The following MEP1B variants were observed in gnomAD, a reference collection of about 807,000 sequenced individuals.
MEP1B encodes the protein meprin A subunit beta, also known as N-benzoyl-L-tyrosyl-P-amino-benzoic acid hydrolase subunit beta.
MEP1B carries 80 observed loss-of-function variants against 84.6 expected under a neutral mutation model. The ratio of observed to expected loss-of-function variants is 0.95; its 90% CI spans 0.79 to 1.14. MEP1B has a LOEUF of 1.14. Among genes scored for constraint, MEP1B ranks in the 50% most tolerant of loss-of-function variants. The pLI, the probability that MEP1B is intolerant of heterozygous loss-of-function variation, is 0.00. For missense variants in MEP1B, 766 were observed against 855.1 expected, an observed-to-expected ratio of 0.90 and a Z score of 1.30; for synonymous variants, 273 against 288.1, an observed-to-expected ratio of 0.95 and a Z score of 0.53.
At chr18:32,191,109 G>GA (rs953205776) in intron 1 of MEP1B, among the ~76,000 whole-genome samples, 7 of 151,894 alleles carry the variant, frequency 4.6e-5, no homozygotes, top group Non-Finnish European at 8.8e-5. Flanking sequence ...AAGGTGAACT[G>GA]AATTACCCTT....
At chr18:32,200,734 T>A (rs2040903438) in intron 5 of MEP1B, among the ~76,000 whole-genome samples, 1 of 152,128 alleles carries the variant, frequency 6.6e-6, no homozygotes, top group South Asian at 2.1e-4. Context: ...CTGAAAGGAG[T>A]AATACTCATA....
At chr18:32,215,688 G>A (rs1044451518) in intron 12 of MEP1B, among the ~76,000 whole-genome samples, 1 of 152,066 alleles carries the variant, frequency 6.6e-6, no homozygotes, top group African/African-American at 2.4e-5. Flanking sequence ...GCTGGGCGTG[G>A]TGGCGGGCGC....
intron 5 of MEP1B, among the ~76,000 whole-genome samples, chr18:32,199,664 G>GTTCC (rs1274003921): frequency 2.7e-4 from 25 of 91,096 alleles, no homozygotes; most frequent in African/African-American, 9.1e-4. Flanking sequence ...TTTTCCTTTC[G>GTTCC]TTCGTTCCTT....
Position 32,217,665 on chromosome 18 carries a change from G to A in MEP1B, c.1887-96G>A, listed in dbSNP as rs547168126. The A allele has an allele frequency of 3.9e-6, 4 of 1,013,950 alleles. No homozygotes were observed. The South Asian group carries it at 5.5e-5, about 14-fold the overall frequency. The allele number at this position is 1,013,950 out of a possible 1,614,324, so 62.8% of individuals were successfully genotyped here. A position where few individuals can be genotyped will look rare whatever the true frequency, so the allele number is the denominator to read the frequency against. ...TTTCATATAGCAATGACCTATTGGT[G>A]ATCAAATAGACTAAAGGTGATCCAC... On this transcript the variant is annotated intron_variant, in intron 13 of 14. Transcript: ENST00000269202.
intron 11 of MEP1B, among the ~76,000 whole-genome samples, chr18:32,214,468 T>A (rs1227464838): frequency 6.6e-6 from 1 of 152,170 alleles, no homozygotes; most frequent in East Asian, 1.9e-4. Flanking sequence ...ACCAATGGAA[T>A]TGTAGGGACT....
At chr18:32,206,906 G>A (rs1277744524) in intron 7 of MEP1B, among the ~76,000 whole-genome samples, 1 of 152,054 alleles carries the variant, frequency 6.6e-6, no homozygotes, top group African/African-American at 2.4e-5. Context: ...CACCACGCCC[G>A]GCCTTAAAAT....
chr18:32,202,864 G>T, intron 5 of MEP1B, 29 bp from the exon 6 acceptor site: 1 of 1,425,200 alleles, frequency 7.0e-7, no homozygotes. Context: ...GTTTTAATAA[G>T]CTTATTTTTG....
Position 32,213,161 on chromosome 18 carries a change from T to C in MEP1B, c.1181T>C (p.Val394Ala). 3 of 1,613,996 alleles carry C rather than the reference T, an allele frequency of 1.9e-6. No homozygotes were observed. Among genetic ancestry groups the C allele is most frequent in the Non-Finnish European group, 2.5e-6 (3 of 1,179,856 alleles). ...SWQLYHVTLK[V>A]TKKFRVVFEG... ...CAACTTTATCATGTAACATTGAAAG[T>C]GACCAAGAAGTTTAGAGTGGTGTTT... Residue 394 changes from valine (V) to alanine (A), a missense_variant, in exon 11 of 15, where the codon GTG becomes GCG. Val to Ala is a moderately conservative substitution (Grantham distance 64, BLOSUM62 0). Coordinates refer to ENST00000269202, the MANE Select transcript of MEP1B (RefSeq NM_005925.3).
chr18:32,196,425 C>T lies in MEP1B; in HGVS notation c.250+940C>T. The T allele has an allele frequency of 4.3e-6, 3 of 695,006 alleles. No individual in the cohort carries two copies. The South Asian group carries it at 4.5e-5, about 10-fold the overall frequency. The allele number at this position is 695,006 out of a possible 1,614,324, so 43.1% of individuals were successfully genotyped here. A position where few individuals can be genotyped will look rare whatever the true frequency, so the allele number is the denominator to read the frequency against. ...TCTCCTGGTCCTCGCCCAGCTGGGT[C>T]TTACAGAGGGTGTGCAGCCAGCCCT... is the stretch of plus-strand genomic sequence containing the variant. On this transcript the variant is annotated intron_variant, in intron 5 of 14. Coordinates refer to ENST00000269202, the MANE Select transcript of MEP1B (RefSeq NM_005925.3). The surrounding 1 kb of genome is among the most constrained non-coding windows in gnomAD (Gnocchi z 4.4).
chr18:32,190,625 A>C (rs1011965830), intron 1 of MEP1B, among the ~76,000 whole-genome samples: 5 of 152,136 alleles, frequency 3.3e-5, no homozygotes, highest in African/African-American at 1.2e-4. Flanking sequence ...GTTTTAAATG[A>C]AGTTTCAAAT....
chr18:32,205,458 T>G (rs2040955428), intron 7 of MEP1B, among the ~76,000 whole-genome samples: 1 of 152,232 alleles, frequency 6.6e-6, no homozygotes, highest in Non-Finnish European at 1.5e-5. Context: ...ACCACACTTC[T>G]TGAAATCACA....
intron 5 of MEP1B, among the ~76,000 whole-genome samples, chr18:32,198,729 A>G (rs1022985376): frequency 6.6e-6 from 1 of 152,174 alleles, no homozygotes; most frequent in African/African-American, 2.4e-5. Flanking sequence ...TATACTAATA[A>G]CATGGGGCCA....
chr18:32,212,526 G>T (rs1431982527), intron 10 of MEP1B, among the ~76,000 whole-genome samples: 1 of 152,132 alleles, frequency 6.6e-6, no homozygotes, highest in Non-Finnish European at 1.5e-5. Flanking sequence ...GGAAGTACAG[G>T]TTGGAAAGAA....
At chr18:32,209,112 C>T (rs1598894255) in intron 9 of MEP1B, among the ~76,000 whole-genome samples, 3 of 152,298 alleles carry the variant, frequency 2.0e-5, no homozygotes, top group Non-Finnish European at 2.9e-5. Flanking sequence ...TTTCATAAAT[C>T]GCCTGCTCCT....
intron 12 of MEP1B, among the ~76,000 whole-genome samples, chr18:32,216,160 C>A (rs2041087795): frequency 6.6e-6 from 1 of 151,908 alleles, no homozygotes; most frequent in Admixed American, 6.5e-5. Flanking sequence ...TATTAAAGAC[C>A]CACTTGGATC....
chr18:32,192,515 T>C (rs1333604446), intron 2 of MEP1B, 131 bp from the exon 3 acceptor site: 5 of 773,586 alleles, frequency 6.5e-6, no homozygotes, highest in South Asian at 1.6e-5. Flanking sequence ...AATCAATGTA[T>C]GTTGAGTCTG....
chr18:32,201,088 G>A (rs2040906740), intron 5 of MEP1B, among the ~76,000 whole-genome samples: 1 of 152,030 alleles, frequency 6.6e-6, no homozygotes, highest in African/African-American at 2.4e-5. Context: ...AAGCTTTCAC[G>A]TGTTACTTTA....
chr18:32,203,188 CA>C lies in MEP1B; in HGVS notation c.368+179del. 7.7e-6 allele frequency: 4 copies of C among 517,182 alleles called. No individual in the cohort carries two copies. The South Asian group carries it at 1.2e-4, about 15-fold the overall frequency. The allele number at this position is 517,182 out of a possible 1,614,324, so 32.0% of individuals were successfully genotyped here. A position where few individuals can be genotyped will look rare whatever the true frequency, so the allele number is the denominator to read the frequency against. On this transcript the variant is annotated intron_variant, in intron 6 of 14. Transcript: ENST00000269202. Reference sequence around the variant, plus strand: ...TTTGTAGACATAGAAATTATATTCCCATACATGTAACCGCCTTTAGACAAAG... The same window carrying C: ...TTTGTAGACATAGAAATTATATTCCCTACATGTAACCGCCTTTAGACAAAG...
chr18:32,215,187 T>C lies in MEP1B; in HGVS notation c.1685T>C (p.Phe562Ser). 6.2e-7 allele frequency: 1 copy of C among 1,612,492 alleles called. No individual in the cohort carries two copies. Among genetic ancestry groups the C allele is most frequent in the East Asian group, 2.2e-5 (1 of 44,862 alleles). Reference sequence around the variant, plus strand: ...GGTGGGGGCTATGGAACCAGTGCCTTTATAACCCACGAAAGGCTGAAAAGC... The same window carrying C: ...GGTGGGGGCTATGGAACCAGTGCCTCTATAACCCACGAAAGGCTGAAAAGC... Reference protein sequence around the residue: ...RRGGGYGTSAFITHERLKSRD... With the variant: ...RRGGGYGTSASITHERLKSRD... Residue 562 changes from phenylalanine (F) to serine (S), a missense_variant, in exon 12 of 15, where the codon TTT becomes TCT. By Grantham distance (155) the Phe-to-Ser change is radical. Coordinates refer to ENST00000269202, the MANE Select transcript of MEP1B (RefSeq NM_005925.3).
Sources: gnomAD v4.1 joint callset for allele counts (sites outside exome capture counted in the v4.1 genomes callset) on GRCh38, gnomAD v4.1.1 for gene constraint, Gnocchi (gnomAD v3.1) non-coding constraint, MANE v1.5 for transcripts, NCBI Gene and HGNC (gene_info 2026-07-23, HGNC 2026-07-21) for gene names.